Variants in ZFP90 observed in about 807,000 individuals in gnomAD.
The protein encoded by ZFP90 is ZFP90 zinc finger protein.
Under a neutral mutation model 60.8 loss-of-function variants are expected in ZFP90, and 38 were observed. That is an observed-to-expected ratio of 0.62 (90% CI 0.48 to 0.82). The LOEUF is 0.82. ZFP90 is among the 40% of genes least tolerant of loss of function. ZFP90 has a pLI of 0.00. For synonymous variants in ZFP90, 287 were observed against 264.8 expected, an observed-to-expected ratio of 1.08 and a Z score of -0.82; for missense variants, 711 against 759.1, an observed-to-expected ratio of 0.94 and a Z score of 0.74.
In ZFP90 at chr16:68,566,852, G is replaced by C. The variant is rs2091536255; in HGVS notation, c.*2154G>C. ...TAACCAACTGAGTGCTGCCCCCACT[G>C]TTACGGAAGTTTATAAAACCTTAGT... On this transcript the variant is annotated 3_prime_UTR_variant, in exon 5 of 5. Transcript: ENST00000563169. 8.1e-6 allele frequency: 8 copies of C among 985,492 alleles called. No individual in the cohort carries two copies. Among genetic ancestry groups the C allele is most frequent in the Non-Finnish European group, 9.6e-6 (8 of 829,968 alleles). 61.0% of individuals were successfully genotyped at this position (985,492 alleles called of 1,614,324 possible).
intron 2 of ZFP90, among the ~76,000 whole-genome samples, chr16:68,551,419 T>G (rs1346186507): frequency 3.5e-5 from 1 of 28,504 alleles, no homozygotes; most frequent in Non-Finnish European, 8.7e-5. Context: ...GTGATCCTTT[T>G]TTTTTTTTTT....
chr16:68,563,803 G>A lies in ZFP90; in HGVS notation c.1016G>A (p.Arg339Gln), dbSNP rs562769039. 8 of 1,613,094 alleles carry A rather than the reference G, an allele frequency of 5.0e-6. No individual in the cohort carries two copies. Among genetic ancestry groups the A allele is most frequent in the East Asian group, 4.5e-5 (2 of 44,788 alleles). ...QRIHTGEKPY[R>Q]CNLCGRSFRH... is the part of the protein sequence containing the mutation. ...ATTCACACTGGAGAGAAACCCTATC[G>A]ATGTAATCTATGTGGGAGGTCCTTT... Residue 339 changes from arginine (R) to glutamine (Q), a missense_variant, in exon 5 of 5, where the codon CGA becomes CAA. Arg to Gln is a conservative substitution (Grantham distance 43). Around this residue, in one of 5 missense-constraint regions of ZFP90, gnomAD observed 146 missense variants for 201.4 expected, o/e 0.73. Coordinates refer to ENST00000563169, the MANE Select transcript of ZFP90 (RefSeq NM_001305203.2).
At chr16:68,568,682 T>C (rs2091551502), downstream of ZFP90, among the ~76,000 whole-genome samples, 1 of 152,146 alleles carries the variant, frequency 6.6e-6, no homozygotes, top group African/African-American at 2.4e-5. Context: ...CAATAAGTCA[T>C]GGCATATTCT....
Position 68,566,132 on chromosome 16 carries a change from C to CAT in ZFP90, c.*1435_*1436dup, listed in dbSNP as rs2091522966. 1.0e-6 allele frequency: 1 copy of CAT among 985,002 alleles called. No individual in the cohort carries two copies. Among genetic ancestry groups the CAT allele is most frequent in the Non-Finnish European group, 1.2e-6 (1 of 829,824 alleles). The allele number at this position is 985,002 out of a possible 1,614,324, so 61.0% of individuals were successfully genotyped here. ...TGAGCAACAGAGCAAGACACACACA[C>CAT]ATCAATTTATTTTAGTTGTATAATG... is the stretch of plus-strand genomic sequence containing the variant. On this transcript the variant is annotated 3_prime_UTR_variant, in exon 5 of 5. Coordinates refer to ENST00000563169, the MANE Select transcript of ZFP90 (RefSeq NM_001305203.2).
chr16:68,536,569 G>A (rs578121859), upstream of ZFP90, among the ~76,000 whole-genome samples: 18 of 152,168 alleles, frequency 1.2e-4, no homozygotes, highest in Non-Finnish European at 2.2e-4. Context: ...CTCCCAAAGT[G>A]TGGGAATTAT....
At chr16:68,541,013 A>G (rs1273064528) in intron 2 of ZFP90, among the ~76,000 whole-genome samples, 1 of 147,842 alleles carries the variant, frequency 6.8e-6, no homozygotes, top group East Asian at 2.0e-4. Flanking sequence ...GCACGCCACC[A>G]TGCCCGGCTA....
chr16:68,536,236 C>A (rs1038952219), upstream of ZFP90, among the ~76,000 whole-genome samples: 2 of 152,184 alleles, frequency 1.3e-5, no homozygotes, highest in African/African-American at 4.8e-5. Flanking sequence ...TTCTCACATT[C>A]ATCTTGCAAG....
chr16:68,539,015 G>A (rs142744564), upstream of ZFP90, among the ~76,000 whole-genome samples: 95 of 152,340 alleles, frequency 6.2e-4, no homozygotes, highest in African/African-American at 2.2e-3. Context: ...CTCGTCGAAA[G>A]GGGCGTACGA....
chr16:68,549,127 C>G (rs1448345822), intron 2 of ZFP90, among the ~76,000 whole-genome samples: 3 of 152,134 alleles, frequency 2.0e-5, no homozygotes, highest in African/African-American at 7.2e-5. Flanking sequence ...GAAGTGGTGC[C>G]TGCTTCCTCT....
At chr16:68,557,924 G>A (rs2152070520) in intron 2 of ZFP90, 74 bp from the exon 3 acceptor site, 2 of 1,589,660 alleles carry the variant, frequency 1.3e-6, no homozygotes, top group Non-Finnish European at 1.7e-6. Context: ...GATAGCTCCT[G>A]CAGTATGTTC....
chr16:68,571,495 C>A (rs950966918), downstream of ZFP90, among the ~76,000 whole-genome samples: 2 of 152,140 alleles, frequency 1.3e-5, no homozygotes, highest in African/African-American at 4.8e-5. Flanking sequence ...TATCTGATTC[C>A]TCCTCCCACA....
At chr16:68,555,600 A>G (rs142436341) in intron 2 of ZFP90, among the ~76,000 whole-genome samples, 259 of 152,330 alleles carry the variant, frequency 1.7e-3, no homozygotes, top group African/African-American at 5.9e-3. Flanking sequence ...AAACAACCAA[A>G]AGTATTATCC....
intron 2 of ZFP90, 101 bp downstream of exon 2, chr16:68,539,926 C>A: frequency 6.8e-7 from 1 of 1,476,832 alleles, no homozygotes; most frequent in East Asian, 2.5e-5. Context: ...TGGCGACTCC[C>A]TTACTTGCTT....
rs1273883690 is a variant in ZFP90, at chr16:68,540,910, C to CT, written c.33+1085_33+1086insT. On this transcript the variant is annotated intron_variant, in intron 2 of 4. Transcript: ENST00000563169. ...TGAATTAAGCATACAATACATCATGCCTTTTTTTTTTTTTTTTTTGAAACA... is the reference window on the plus strand; with the variant it reads ...TGAATTAAGCATACAATACATCATGCTCTTTTTTTTTTTTTTTTTTGAAACA... Among the ~76,000 whole-genome samples, 197 of 101,630 alleles carry CT rather than the reference C, an allele frequency of 1.9e-3. 2 individuals are homozygous for CT. The highest frequency in any genetic ancestry group is 3.0e-3 in the African/African-American group (84 of 28,214). 66.7% of individuals were successfully genotyped at this position (101,630 alleles called of 152,430 possible). A position where few individuals can be genotyped will look rare whatever the true frequency, so the allele number is the denominator to read the frequency against.
chr16:68,538,718 A>AG (rs1567390354), upstream of ZFP90, among the ~76,000 whole-genome samples: 1 of 151,592 alleles, frequency 6.6e-6, no homozygotes, highest in Non-Finnish European at 1.5e-5. Flanking sequence ...AAAAAAAAAA[A>AG]GAAAATTTCC....
exon 3 of ZFP90, chr16:68,576,005 A>G (rs1426668330): frequency 2.6e-6 from 1 of 387,184 alleles, no homozygotes; most frequent in Non-Finnish European, 4.5e-6. Flanking sequence ...CAAGCAGCAA[A>G]TGTTCCCCTT....
At chr16:68,551,870 T>C (rs892066611) in intron 2 of ZFP90, among the ~76,000 whole-genome samples, 6 of 152,184 alleles carry the variant, frequency 3.9e-5, no homozygotes, top group African/African-American at 1.4e-4. Flanking sequence ...ACCATTCTCC[T>C]GCCTCAGCCT....
rs1372856715 is a variant in ZFP90, at chr16:68,565,988, G to A, written c.*1290G>A. 1.4e-6 allele frequency: 1 copy of A among 740,374 alleles called. No homozygotes were observed. The highest frequency in any genetic ancestry group is 1.6e-6 in the Non-Finnish European group (1 of 606,630). The allele number at this position is 740,374 out of a possible 1,614,324, so 45.9% of individuals were successfully genotyped here. A position where few individuals can be genotyped will look rare whatever the true frequency, so the allele number is the denominator to read the frequency against. ...AAAAAAAAAAAAAATCCAAAAATTA[G>A]CTGGGCATGGTGGCATGCAGTGGTA... On this transcript the variant is annotated 3_prime_UTR_variant, in exon 5 of 5. Coordinates refer to ENST00000563169, the MANE Select transcript of ZFP90 (RefSeq NM_001305203.2).
At chr16:68,537,084 G>C (rs906258485), upstream of ZFP90, among the ~76,000 whole-genome samples, 1 of 151,628 alleles carries the variant, frequency 6.6e-6, no homozygotes, top group Non-Finnish European at 1.5e-5. Flanking sequence ...CTTCAGCCTG[G>C]AATTCTTTTC....
Sources: allele counts gnomAD v4.1 joint callset (sites outside exome capture counted in the v4.1 genomes callset), GRCh38; gene constraint gnomAD v4.1.1; regional missense constraint gnomAD v4.1.1; transcripts MANE v1.5; gene names NCBI Gene and HGNC (gene_info 2026-07-23, HGNC 2026-07-21).